The following RAB3GAP1 variants were observed in gnomAD, a reference collection of about 807,000 sequenced individuals.
RAB3GAP1 encodes the protein rab3 GTPase-activating protein catalytic subunit.
A neutral mutation model predicts 130.7 loss-of-function variants in RAB3GAP1; 86 were observed. The observed-to-expected ratio is 0.66, with a 90% confidence interval of 0.55 to 0.79. The LOEUF (loss-of-function observed/expected upper bound fraction) is 0.79, where lower values mean the gene tolerates loss of function less well. Ranked by LOEUF, RAB3GAP1 falls within the 30% of genes least tolerant of loss-of-function variation. RAB3GAP1 has a pLI of 0.00. For synonymous variants in RAB3GAP1, 367 were observed against 401.7 expected (o/e 0.91, Z 1.03); for missense variants, 1,029 against 1,169.4 (o/e 0.88, Z 1.75).
At chr2:135,159,596 A>G (rs1394156017) in intron 19 of RAB3GAP1, among the ~76,000 whole-genome samples, 5 of 152,256 alleles carry the variant, frequency 3.3e-5, no homozygotes, top group East Asian at 1.9e-4. Context: ...GCCTAGAAAC[A>G]TGACAGCTAA....
Position 135,162,548 on chromosome 2 carries a change from C to T in RAB3GAP1, c.2290-7C>T, listed in dbSNP as rs1413349891. On this transcript the variant is annotated splice_region_variant and splice_polypyrimidine_tract_variant and intron_variant, in intron 19 of 23. Transcript: ENST00000264158. ...CTGATCATTTGTGTGCGCTGCACCT[C>T]CTTCAGGTGCTGCACTATCTGGCAA... 3.1e-6 allele frequency: 5 copies of T among 1,608,120 alleles called. No homozygotes were observed. Among genetic ancestry groups the T allele is most frequent in the Admixed American group, 1.7e-5 (1 of 59,878 alleles).
At chr2:135,138,868 G>A (rs1379192549) in intron 17 of RAB3GAP1, among the ~76,000 whole-genome samples, 1 of 151,896 alleles carries the variant, frequency 6.6e-6, no homozygotes, top group African/African-American at 2.4e-5. Flanking sequence ...CCTCTGTTTC[G>A]GCCTCCCAAA....
chr2:135,111,502 T>C (rs879218324), intron 5 of RAB3GAP1, among the ~76,000 whole-genome samples: 9 of 152,204 alleles, frequency 5.9e-5, no homozygotes, highest in Admixed American at 5.2e-4. Flanking sequence ...AACCCCTTTT[T>C]AATGTGTTAT....
chr2:135,074,129 G>A (rs1003680615), intron 3 of RAB3GAP1, among the ~76,000 whole-genome samples: 2 of 152,208 alleles, frequency 1.3e-5, no homozygotes, highest in Admixed American at 1.3e-4. Context: ...AGGGATGAGG[G>A]AAGACTCACT....
chr2:135,092,239 T>C (rs551858303), intron 4 of RAB3GAP1, among the ~76,000 whole-genome samples: 10 of 152,304 alleles, frequency 6.6e-5, no homozygotes, highest in South Asian at 6.2e-4. Flanking sequence ...GGAGGTCTCA[T>C]AATAGCCCAG....
intron 3 of RAB3GAP1, among the ~76,000 whole-genome samples, chr2:135,069,250 C>G (rs547875505): frequency 6.6e-6 from 1 of 152,196 alleles, no homozygotes; most frequent in East Asian, 1.9e-4. Context: ...GTAAACAGAC[C>G]ACATTTACTT....
chr2:135,060,791 T>G (rs1689145995), intron 3 of RAB3GAP1, among the ~76,000 whole-genome samples: 2 of 151,332 alleles, frequency 1.3e-5, no homozygotes, highest in South Asian at 4.2e-4. Flanking sequence ...TTGCAACCTC[T>G]GCCTCCCGGG....
intron 17 of RAB3GAP1, among the ~76,000 whole-genome samples, chr2:135,149,094 A>T (rs1350397705): frequency 1.3e-5 from 2 of 152,148 alleles, no homozygotes; most frequent in Non-Finnish European, 2.9e-5. Context: ...TCCATTTATA[A>T]GTGGCTCAAA....
chr2:135,146,793 G>A (rs1417643774), intron 17 of RAB3GAP1, among the ~76,000 whole-genome samples: 1 of 152,048 alleles, frequency 6.6e-6, no homozygotes, highest in Non-Finnish European at 1.5e-5. Flanking sequence ...CACACGTATT[G>A]TATGTATCAA....
intron 2 of RAB3GAP1, among the ~76,000 whole-genome samples, chr2:135,053,808 C>G (rs1688942459): frequency 6.6e-6 from 1 of 151,964 alleles, no homozygotes; most frequent in Admixed American, 6.6e-5. Context: ...GTTGGTACTA[C>G]CTGTAAAAAT....
chr2:135,175,699 T>C (rs544027515), downstream of RAB3GAP1: 1 of 152,348 alleles, frequency 6.6e-6, no homozygotes, highest in East Asian at 1.9e-4. Context: ...ACAAAAGCTA[T>C]GTTGGGTCAC....
chr2:135,107,028 C>G (rs572744952), intron 5 of RAB3GAP1, among the ~76,000 whole-genome samples: 340 of 150,780 alleles, frequency 2.3e-3, no homozygotes, highest in African/African-American at 6.0e-3. Flanking sequence ...GAACAATACC[C>G]TTGGCTGACT....
At position 135,164,633 on chromosome 2, in the gene RAB3GAP1, C is replaced by T. The variant is rs1488575450; in HGVS notation, c.2646C>T (p.Val882=). 43 of 1,613,496 alleles carry T rather than the reference C, an allele frequency of 2.7e-5. No homozygotes were observed. Among genetic ancestry groups the T allele is most frequent in the Non-Finnish European group, 3.6e-5 (42 of 1,179,676 alleles). ...SCLLEQPEVL[V]TGAGRGHAGR... Reference sequence around the variant, plus strand: ...TGCTGGAGCAGCCTGAAGTGTTAGTCACCGGTGCAGGAAGAGGACATGCTG... The same window carrying T: ...TGCTGGAGCAGCCTGAAGTGTTAGTTACCGGTGCAGGAAGAGGACATGCTG... The change falls in exon 23 of 24, where the codon GTC becomes GTT. Residue 882 remains valine, a synonymous_variant. Coordinates refer to ENST00000264158, the MANE Select transcript of RAB3GAP1 (RefSeq NM_012233.3).
chr2:135,074,327 AAGGAC>A (rs887881936), intron 3 of RAB3GAP1, among the ~76,000 whole-genome samples: 3 of 152,322 alleles, frequency 2.0e-5, no homozygotes, highest in African/African-American at 7.2e-5. Flanking sequence ...TTCCAACAGA[AAGGAC>A]AGGAGAGAGC....
At chr2:135,163,494 T>C (rs1359789816) in intron 22 of RAB3GAP1, among the ~76,000 whole-genome samples, 1 of 152,236 alleles carries the variant, frequency 6.6e-6, no homozygotes, top group African/African-American at 2.4e-5. Flanking sequence ...TTCTGCTTAC[T>C]GTTCCTAGTT....
chr2:135,150,128 T>A (rs1449730642), intron 17 of RAB3GAP1, among the ~76,000 whole-genome samples: 1 of 152,140 alleles, frequency 6.6e-6, no homozygotes, highest in Non-Finnish European at 1.5e-5. Context: ...TTACTATCAA[T>A]CCTTGTCAAG....
chr2:135,133,918 TTG>T lies in RAB3GAP1; in HGVS notation c.1388_1389del (p.Cys463SerfsTer24), dbSNP rs1282248700. 1.2e-6 allele frequency: 2 copies of T among 1,613,714 alleles called. No individual in the cohort carries two copies. The highest frequency in any genetic ancestry group is 1.7e-5 in the Admixed American group (1 of 60,014). ...PSDSLTYKLALCLCMINFYHG... is the reference protein window; with the variant it reads ...PSDSLTYKLAXCLCMINFYHG... The stretch of plus-strand genomic sequence containing the variant: ...TGACAGTTTAACATACAAACTGGCT[TTG>T]TGTCTCTGTATGATCAATTTTTACC... On this transcript the variant is annotated frameshift_variant, in exon 15 of 24. Transcript: ENST00000264158. LOFTEE classifies it high-confidence loss of function.
At chr2:135,065,945 T>G (rs1013221957) in intron 3 of RAB3GAP1, among the ~76,000 whole-genome samples, 2 of 151,894 alleles carry the variant, frequency 1.3e-5, no homozygotes, top group Non-Finnish European at 2.9e-5. Context: ...TAATTTTTTT[T>G]TGTATTTTTA....
At chr2:135,171,107 A>G (rs1340100514), downstream of RAB3GAP1, among the ~76,000 whole-genome samples, 1 of 151,902 alleles carries the variant, frequency 6.6e-6, no homozygotes, top group Non-Finnish European at 1.5e-5. Flanking sequence ...TTACAAGCAG[A>G]GGAACGGAAT....
Sources: allele counts gnomAD v4.1 joint callset (sites outside exome capture counted in the v4.1 genomes callset), GRCh38; gene constraint gnomAD v4.1.1; transcripts MANE v1.5; gene names NCBI Gene and HGNC (gene_info 2026-07-23, HGNC 2026-07-21).